Variants in TIAM1 observed in about 807,000 individuals in gnomAD.
The protein encoded by TIAM1 is rho guanine nucleotide exchange factor TIAM1.
TIAM1 carries 65 observed loss-of-function variants against 163.5 expected under a neutral mutation model. That is an observed-to-expected ratio of 0.40 (90% CI 0.33 to 0.49). The LOEUF (loss-of-function observed/expected upper bound fraction) is 0.49, where lower values mean the gene tolerates loss of function less well. Among genes scored for constraint, TIAM1 ranks in the 20% least tolerant of loss-of-function variants. The probability of loss-of-function intolerance (pLI) is 0.77; values close to 1 mark genes in which losing one functional copy is unlikely to be tolerated. For synonymous variants in TIAM1, 833 were observed against 810.1 expected, an observed-to-expected ratio of 1.03 and a Z score of -0.48; for missense variants, 1,789 against 2,044.7, an observed-to-expected ratio of 0.87 and a Z score of 2.41.
intron 2 of TIAM1, among the ~76,000 whole-genome samples, chr21:31,392,715 G>A (rs528518298): frequency 1.9e-3 from 282 of 152,114 alleles, no homozygotes; most frequent in Non-Finnish European, 3.3e-3. Flanking sequence ...GTCAAGGCAA[G>A]GGCAGATCCC....
intron 2 of TIAM1, among the ~76,000 whole-genome samples, chr21:31,359,704 G>GCTC (rs202224364): frequency 0.016 from 2,502 of 151,790 alleles, 24 homozygotes; most frequent in African/African-American, 0.024. Flanking sequence ...CAGGAGAATT[G>GCTC]CTTGAACCCG....
intron 4 of TIAM1, among the ~76,000 whole-genome samples, chr21:31,254,305 G>A (rs2071976869): frequency 6.6e-6 from 1 of 152,224 alleles, no homozygotes; most frequent in Admixed American, 6.5e-5. Context: ...GTGGCAGATG[G>A]GAAGTTGAAA....
At chr21:31,152,295 A>G (rs1458668881) in intron 19 of TIAM1, among the ~76,000 whole-genome samples, 1 of 152,148 alleles carries the variant, frequency 6.6e-6, no homozygotes, top group African/African-American at 2.4e-5. Flanking sequence ...GGCCTCCCAA[A>G]GTGCTGGGAT....
intron 2 of TIAM1, among the ~76,000 whole-genome samples, chr21:31,397,820 A>G (rs1182939384): frequency 1.3e-5 from 2 of 152,240 alleles, no homozygotes; most frequent in Non-Finnish European, 2.9e-5. Flanking sequence ...AACGAAAGAC[A>G]TGGAAAACAG....
chr21:31,512,677 G>C (rs1480016847), intron 1 of TIAM1, among the ~76,000 whole-genome samples: 2 of 148,640 alleles, frequency 1.3e-5, no homozygotes, highest in African/African-American at 2.5e-5. Context: ...AAGTGCAGTG[G>C]CGTGATCTTG....
intron 25 of TIAM1, among the ~76,000 whole-genome samples, chr21:31,127,696 G>GTGA (rs1308341541): frequency 6.6e-6 from 1 of 152,124 alleles, no homozygotes; most frequent in Non-Finnish European, 1.5e-5. Flanking sequence ...GATTACAAGC[G>GTGA]TGAGCCACCG....
chr21:31,295,343 A>T (rs532044518), intron 2 of TIAM1, among the ~76,000 whole-genome samples: 1 of 151,846 alleles, frequency 6.6e-6, no homozygotes, highest in Non-Finnish European at 1.5e-5. Flanking sequence ...GGTGGCAGGC[A>T]CCTGTAGTCC....
At chr21:31,161,793 G>A (rs746922130) in intron 16 of TIAM1, among the ~76,000 whole-genome samples, 4 of 152,272 alleles carry the variant, frequency 2.6e-5, no homozygotes, top group East Asian at 1.9e-4. Context: ...TCATGCTTCC[G>A]AGTTTAGACA....
intron 2 of TIAM1, among the ~76,000 whole-genome samples, chr21:31,356,387 C>T (rs2076317261): frequency 6.6e-6 from 1 of 152,192 alleles, no homozygotes; most frequent in Non-Finnish European, 1.5e-5. Context: ...CACCTCCCAT[C>T]TTTTCAGACC....
intron 2 of TIAM1, among the ~76,000 whole-genome samples, chr21:31,328,946 C>T (rs928605809): frequency 2.6e-5 from 4 of 152,242 alleles, no homozygotes; most frequent in African/African-American, 9.6e-5. Context: ...ATACCCAGCC[C>T]AGACATTTTT....
At chr21:31,392,475 C>A (rs1302516723) in intron 2 of TIAM1, among the ~76,000 whole-genome samples, 2 of 147,856 alleles carry the variant, frequency 1.4e-5, no homozygotes, top group Non-Finnish European at 3.0e-5. Context: ...GAGGCTGAGG[C>A]AGGAGAATCG....
intron 25 of TIAM1, among the ~76,000 whole-genome samples, chr21:31,127,708 G>A (rs1161667992): frequency 1.3e-5 from 2 of 152,128 alleles, no homozygotes; most frequent in East Asian, 1.9e-4. Context: ...GAGCCACCGC[G>A]CCCGGCCTGA....
intron 2 of TIAM1, among the ~76,000 whole-genome samples, chr21:31,458,393 C>G (rs2147342769): frequency 6.6e-6 from 1 of 151,644 alleles, no homozygotes; most frequent in East Asian, 1.9e-4. Flanking sequence ...GCACTCCAGC[C>G]TGGGCAACAA....
chr21:31,393,825 TAACC>T (rs1389433679), intron 2 of TIAM1, among the ~76,000 whole-genome samples: 1 of 152,226 alleles, frequency 6.6e-6, no homozygotes, highest in Non-Finnish European at 1.5e-5. Flanking sequence ...TACTATATAA[TAACC>T]ATATGGCCTG....
intron 16 of TIAM1, among the ~76,000 whole-genome samples, chr21:31,156,109 G>A (rs1023835249): frequency 6.6e-6 from 1 of 152,168 alleles, no homozygotes; most frequent in Non-Finnish European, 1.5e-5. Flanking sequence ...TCCCTCATTA[G>A]CATATCCAAA....
At chr21:31,455,576 C>T (rs2147336987) in intron 2 of TIAM1, among the ~76,000 whole-genome samples, 1 of 152,052 alleles carries the variant, frequency 6.6e-6, no homozygotes, top group Admixed American at 6.5e-5. Flanking sequence ...TGACGCCCAG[C>T]TAATTTTTGT....
chr21:31,433,058 T>C (rs2284511), intron 2 of TIAM1, among the ~76,000 whole-genome samples: 2 of 152,058 alleles, frequency 1.3e-5, no homozygotes, highest in Non-Finnish European at 2.9e-5. Context: ...ATTGAAGTAA[T>C]GGCCTTTTGT....
At chr21:31,439,110 C>T (rs2044326066) in intron 2 of TIAM1, among the ~76,000 whole-genome samples, 1 of 152,186 alleles carries the variant, frequency 6.6e-6, no homozygotes, top group African/African-American at 2.4e-5. Context: ...ATGTCTGCCA[C>T]AGGTTGGGGA....
chr21:31,526,746 G>C (rs1486519088), intron 1 of TIAM1, among the ~76,000 whole-genome samples: 1 of 152,114 alleles, frequency 6.6e-6, no homozygotes, highest in Non-Finnish European at 1.5e-5. Context: ...ATGTCACCCA[G>C]GCTGGAGTAG....
Sources: gnomAD v4.1 joint callset for allele counts (sites outside exome capture counted in the v4.1 genomes callset) on GRCh38, gnomAD v4.1.1 for gene constraint, MANE v1.5 for transcripts, NCBI Gene and HGNC (gene_info 2026-07-23, HGNC 2026-07-21) for gene names.